The following LTBP1 variants were observed in gnomAD, a reference collection of about 807,000 sequenced individuals.
LTBP1 encodes latent-transforming growth factor beta-binding protein 1.
LTBP1 carries 129 observed loss-of-function variants against 207.6 expected under a neutral mutation model. The ratio of observed to expected loss-of-function variants is 0.62; its 90% CI spans 0.54 to 0.72. LTBP1 has a LOEUF of 0.72. Ranked by LOEUF, LTBP1 falls within the 30% of genes least tolerant of loss-of-function variation. The pLI is 0.00. For synonymous variants in LTBP1, 963 were observed against 833.7 expected (o/e 1.16, Z -2.67); for missense variants, 2,281 against 2,217.2 (o/e 1.03, Z -0.58).
Position 32,947,833 on chromosome 2 carries a change from C to G in LTBP1, c.494+15C>G, listed in dbSNP as rs144369825. 2.9e-3 allele frequency: 3,754 copies of G among 1,299,664 alleles called. 6 individuals carry two copies. Among genetic ancestry groups the G allele is most frequent in the Admixed American group, 3.9e-3 (107 of 27,560 alleles). 80.5% of individuals were successfully genotyped at this position (1,299,664 alleles called of 1,614,324 possible). On this transcript the variant is annotated intron_variant, in intron 1 of 33. Coordinates refer to ENST00000404816, the MANE Select transcript of LTBP1 (RefSeq NM_206943.4). ...CAGCTGCAGGGGTAAGCCCACACCC[C>G]CTTCCGCCCGCCCGCCCGCCTCGCG...
intron 2 of LTBP1, among the ~76,000 whole-genome samples, chr2:33,001,432 C>T (rs2148975982): frequency 7.4e-6 from 1 of 135,094 alleles, no homozygotes; most frequent in African/African-American, 2.6e-5. Flanking sequence ...GGGACTGATG[C>T]TGCTGGTCTG....
At chr2:33,338,608 C>G (rs1441884649) in intron 24 of LTBP1, among the ~76,000 whole-genome samples, 1 of 152,106 alleles carries the variant, frequency 6.6e-6, no homozygotes, top group Non-Finnish European at 1.5e-5. Flanking sequence ...GCCCTGAGAT[C>G]TGCTTGTGGA....
At chr2:33,075,816 A>C (rs1032932890) in intron 3 of LTBP1, among the ~76,000 whole-genome samples, 1 of 152,254 alleles carries the variant, frequency 6.6e-6, no homozygotes, top group East Asian at 1.9e-4. Flanking sequence ...ACTTCCAGGT[A>C]CTTGTAAGTG....
intron 2 of LTBP1, among the ~76,000 whole-genome samples, chr2:32,992,534 C>G (rs1311242764): frequency 2.0e-5 from 3 of 152,202 alleles, no homozygotes; most frequent in African/African-American, 7.2e-5. Context: ...AGAGCTCAGA[C>G]AGGCTTGATC....
chr2:33,375,102 G>A (rs916428823), intron 31 of LTBP1, among the ~76,000 whole-genome samples: 1 of 152,202 alleles, frequency 6.6e-6, no homozygotes, highest in Non-Finnish European at 1.5e-5. Flanking sequence ...GCTCTTTGAT[G>A]TAATGTGATC....
intron 5 of LTBP1, among the ~76,000 whole-genome samples, chr2:33,164,779 A>G (rs1299126930): frequency 6.6e-6 from 1 of 152,180 alleles, no homozygotes; most frequent in East Asian, 1.9e-4. Context: ...TTCATTTGTC[A>G]CCTACTTAGG....
chr2:33,104,529 G>A (rs2079940854), intron 3 of LTBP1, among the ~76,000 whole-genome samples: 1 of 152,116 alleles, frequency 6.6e-6, no homozygotes, highest in South Asian at 2.1e-4. Flanking sequence ...TAATTTGCAG[G>A]TGGTCCTCTC....
rs72869678 is a variant in LTBP1, at chr2:33,064,678, T to G, written c.863+43472T>G. Among the ~76,000 whole-genome samples, 1,026 of 152,348 alleles carry G rather than the reference T, an allele frequency of 6.7e-3. 17 individuals are homozygous for G. The highest frequency in any genetic ancestry group is 0.023 in the African/African-American group (965 of 41,570). On this transcript the variant is annotated intron_variant, in intron 3 of 33. Coordinates refer to ENST00000404816, the MANE Select transcript of LTBP1 (RefSeq NM_206943.4). Reference sequence around the variant, plus strand: ...ATTTCCCTGGATAGCAAACAAATCTTTCCTTTGCCACAGAAGGAGATACTA... The same window carrying G: ...ATTTCCCTGGATAGCAAACAAATCTGTCCTTTGCCACAGAAGGAGATACTA...
At chr2:33,242,963 T>A (rs962878620) in intron 9 of LTBP1, among the ~76,000 whole-genome samples, 1 of 152,068 alleles carries the variant, frequency 6.6e-6, no homozygotes, top group Admixed American at 6.5e-5. Context: ...TGTTTCCAAC[T>A]ATTTACCTTC....
intron 19 of LTBP1, among the ~76,000 whole-genome samples, chr2:33,288,897 G>A (rs975820574): frequency 2.6e-5 from 4 of 151,996 alleles, no homozygotes; most frequent in Non-Finnish European, 5.9e-5. Flanking sequence ...GTGGAGTCTG[G>A]GAATTACTGA....
At chr2:33,161,558 C>T (rs1285307247) in intron 5 of LTBP1, among the ~76,000 whole-genome samples, 3 of 152,208 alleles carry the variant, frequency 2.0e-5, no homozygotes, top group African/African-American at 4.8e-5. Context: ...TGAGCCACCA[C>T]GCCCGGCCAG....
intron 3 of LTBP1, among the ~76,000 whole-genome samples, chr2:33,099,142 T>TGTAGGG (rs1463798093): frequency 6.6e-6 from 1 of 152,230 alleles, no homozygotes; most frequent in Non-Finnish European, 1.5e-5. Flanking sequence ...TTGCAGGTCC[T>TGTAGGG]GTAGGGCAGT....
Position 32,948,900 on chromosome 2 carries a change from T to G in LTBP1, c.520T>G (p.Cys174Gly). 1 of 1,614,174 alleles carries G rather than the reference T, an allele frequency of 6.2e-7. No individual in the cohort carries two copies. Among genetic ancestry groups the G allele is most frequent in the Non-Finnish European group, 8.5e-7 (1 of 1,180,034 alleles). ...GGTCAATGTCTGTGGAGGGCGGTGCTGTCATGGCTGGAGTAAGGCCCCTGG... is the reference window on the plus strand; with the variant it reads ...GGTCAATGTCTGTGGAGGGCGGTGCGGTCATGGCTGGAGTAAGGCCCCTGG... ...QGVNVCGGRC[C>G]HGWSKAPGSQ... The change falls in exon 2 of 34, where the codon TGT becomes GGT. Residue 174 changes from cysteine (C) to glycine (G), a missense_variant. Cys to Gly is a radical substitution (Grantham distance 159). Transcript: ENST00000404816.
At chr2:33,050,500 T>C (rs1284689461) in intron 3 of LTBP1, among the ~76,000 whole-genome samples, 1 of 152,034 alleles carries the variant, frequency 6.6e-6, no homozygotes, top group Non-Finnish European at 1.5e-5. Flanking sequence ...AAAAAAATGC[T>C]CAAATTAATG....
Position 33,234,821 on chromosome 2 carries a change from G to A in LTBP1, c.1877-8841G>A, listed in dbSNP as rs12105569. Among the ~76,000 whole-genome samples, 1,276 of 151,938 alleles carry A rather than the reference G, an allele frequency of 8.4e-3. 22 individuals are homozygous for A. The highest frequency in any genetic ancestry group is 0.029 in the African/African-American group (1,217 of 41,512). The stretch of plus-strand genomic sequence containing the variant: ...GCATCACACTACCTGACTTCAAACT[G>A]TACTACAAGGCTACAGTAACTGTAT... On this transcript the variant is annotated intron_variant, in intron 9 of 33. Coordinates refer to ENST00000404816, the MANE Select transcript of LTBP1 (RefSeq NM_206943.4).
intron 5 of LTBP1, among the ~76,000 whole-genome samples, chr2:33,136,884 A>C (rs984463427): frequency 2.0e-5 from 3 of 152,232 alleles, no homozygotes; most frequent in Non-Finnish European, 2.9e-5. Flanking sequence ...TCAAAAGCAG[A>C]ACTCCACTCT....
chr2:33,161,813 C>T (rs947219198), intron 5 of LTBP1, among the ~76,000 whole-genome samples: 14 of 152,130 alleles, frequency 9.2e-5, no homozygotes, highest in Admixed American at 5.9e-4. Context: ...CATTCATGAT[C>T]GCTTTTATTG....
chr2:33,122,892 G>C (rs1384852477), intron 4 of LTBP1, among the ~76,000 whole-genome samples: 1 of 152,134 alleles, frequency 6.6e-6, no homozygotes, highest in Non-Finnish European at 1.5e-5. Flanking sequence ...CCTGTTGCTT[G>C]AGATAATGTG....
intron 11 of LTBP1, among the ~76,000 whole-genome samples, chr2:33,254,862 T>TTG (rs2092799149): frequency 9.8e-6 from 1 of 101,778 alleles, no homozygotes; most frequent in Non-Finnish European, 2.0e-5. Flanking sequence ...GTTTTTTTTT[T>TTG]TTTTTTTTTT....
Sources: allele counts gnomAD v4.1 joint callset (sites outside exome capture counted in the v4.1 genomes callset), GRCh38; gene constraint gnomAD v4.1.1; transcripts MANE v1.5; gene names NCBI Gene and HGNC (gene_info 2026-07-23, HGNC 2026-07-21).